Variants in STEAP1B observed in about 807,000 individuals in gnomAD.
STEAP1B encodes the protein STEAP family protein MGC87042.
In STEAP1B, 13 loss-of-function variants were observed where a neutral mutation model predicts 27.9. The observed-to-expected ratio is 0.47, with a 90% CI of 0.30 to 0.74. The LOEUF (loss-of-function observed/expected upper bound fraction) is 0.74. STEAP1B is among the 30% of genes least tolerant of loss of function. STEAP1B has a pLI of 0.06. For missense variants in STEAP1B, 250 were observed against 298.7 expected (o/e 0.84, Z 1.20); for synonymous variants, 86 against 107.1 (o/e 0.80, Z 1.22).
chr7:22,454,847 ATG>A (rs1234396767), intron 4 of STEAP1B, among the ~76,000 whole-genome samples: 3,695 of 81,380 alleles, frequency 0.045, 85 homozygotes, highest in Non-Finnish European at 0.06. Context: ...ATATATATAT[ATG>A]TATATATATA....
At chr7:22,458,576 G>C (rs1373605648) in intron 4 of STEAP1B, among the ~76,000 whole-genome samples, 1 of 152,198 alleles carries the variant, frequency 6.6e-6, no homozygotes, top group Non-Finnish European at 1.5e-5. Context: ...CTCCGCTAGA[G>C]TCAGTTGTTA....
chr7:22,481,480 G>A (rs566562507), intron 4 of STEAP1B, among the ~76,000 whole-genome samples: 2 of 152,322 alleles, frequency 1.3e-5, no homozygotes, highest in Non-Finnish European at 2.9e-5. Context: ...TACAAGAAGA[G>A]AATGGTATTG....
intron 4 of STEAP1B, among the ~76,000 whole-genome samples, chr7:22,447,704 T>C (rs1028536576): frequency 6.6e-6 from 1 of 152,246 alleles, no homozygotes; most frequent in African/African-American, 2.4e-5. Context: ...AGACCTGTCC[T>C]GGTGTGCAGC....
chr7:22,463,747 A>T (rs1426519352), intron 4 of STEAP1B, among the ~76,000 whole-genome samples: 2 of 152,134 alleles, frequency 1.3e-5, no homozygotes, highest in African/African-American at 4.8e-5. Context: ...AAAACTGGCT[A>T]GCCATATGTA....
At position 22,454,841 on chromosome 7, in the gene STEAP1B, AT is replaced by A. The variant is rs1785547847; in HGVS notation, c.763-35006del. ...CAAAGAAAATATTATATATATATAT[AT>A]ATATATGTATATATATATATATATT... On this transcript the variant is annotated intron_variant, in intron 4 of 4. Coordinates refer to ENST00000678116, the MANE Select transcript of STEAP1B (RefSeq NM_001382447.1). Among the ~76,000 whole-genome samples, 3 of 74,174 alleles carry A rather than the reference AT, an allele frequency of 4.0e-5. No individual in the cohort carries two copies. In the South Asian group the frequency reaches 1.8e-3, roughly 45 times the overall value. The allele number at this position is 74,174 out of a possible 152,430, so 48.7% of individuals were successfully genotyped here. A position where few individuals can be genotyped will look rare whatever the true frequency, so the allele number is the denominator to read the frequency against.
chr7:22,423,524 T>C (rs1785069002), intron 4 of STEAP1B, among the ~76,000 whole-genome samples: 1 of 152,192 alleles, frequency 6.6e-6, no homozygotes, highest in Non-Finnish European at 1.5e-5. Flanking sequence ...AGACCCTATA[T>C]TGTGTGATTC....
chr7:22,434,121 T>A (rs1433223097), intron 4 of STEAP1B, among the ~76,000 whole-genome samples: 1 of 152,178 alleles, frequency 6.6e-6, no homozygotes, highest in African/African-American at 2.4e-5. Flanking sequence ...GATAATTGCA[T>A]CAAAGGGATT....
intron 1 of STEAP1B, among the ~76,000 whole-genome samples, chr7:22,496,365 GA>G (rs949508009): frequency 7.2e-5 from 11 of 151,810 alleles, no homozygotes; most frequent in African/African-American, 1.9e-4. Context: ...TATTATTAAA[GA>G]AAAAAAATTT....
intron 4 of STEAP1B, among the ~76,000 whole-genome samples, chr7:22,447,865 C>T (rs111894765): frequency 0.012 from 1,880 of 152,322 alleles, 43 homozygotes; most frequent in African/African-American, 0.043. Flanking sequence ...ACATGCATGA[C>T]CTCATCTAAG....
At chr7:22,431,536 T>C (rs540517938) in intron 4 of STEAP1B, among the ~76,000 whole-genome samples, 1 of 152,260 alleles carries the variant, frequency 6.6e-6, no homozygotes, top group Admixed American at 6.5e-5. Flanking sequence ...GCTTATGGAG[T>C]GAGGTCTCCT....
intron 4 of STEAP1B, among the ~76,000 whole-genome samples, chr7:22,430,768 C>G (rs1484280446): frequency 6.6e-6 from 1 of 152,216 alleles, no homozygotes; most frequent in Non-Finnish European, 1.5e-5. Flanking sequence ...ACTGACTGTC[C>G]AACCTGCCTC....
chr7:22,461,168 T>C (rs992923229), intron 4 of STEAP1B, among the ~76,000 whole-genome samples: 2 of 152,192 alleles, frequency 1.3e-5, no homozygotes, highest in Admixed American at 6.5e-5. Flanking sequence ...TAGACTATGA[T>C]TGCAGCTCTG....
rs558288739 is a variant in STEAP1B, at chr7:22,472,677, G to T, written c.762+19888C>A. ...ATTTGGCAGAGTTCTGGTGGTGAAA[G>T]GAGTCTCCTCTTTTCACAGCAGTCT... On this transcript the variant is annotated intron_variant, in intron 4 of 4. Coordinates refer to ENST00000678116, the MANE Select transcript of STEAP1B (RefSeq NM_001382447.1). Among the ~76,000 whole-genome samples the T allele has an allele frequency of 4.6e-5, 7 of 152,288 alleles. 1 individual carries two copies. The East Asian group carries it at 1.4e-3, about 29-fold the overall frequency.
At position 22,492,852 on chromosome 7, in the gene STEAP1B, A is replaced by G. The variant is rs1038345432; in HGVS notation, c.598-123T>C. 10 of 1,409,494 alleles carry G rather than the reference A, an allele frequency of 7.1e-6. No individual in the cohort carries two copies. The Admixed American group carries it at 2.5e-4, about 36-fold the overall frequency. 87.3% of individuals were successfully genotyped at this position (1,409,494 alleles called of 1,614,324 possible). Reference sequence around the variant, plus strand: ...CCTGATAACAGGTCTCCACAAATTTATGACTTTTTCTTTTTTTTTTGCATT... The same window carrying G: ...CCTGATAACAGGTCTCCACAAATTTGTGACTTTTTCTTTTTTTTTTGCATT... On this transcript the variant is annotated intron_variant, in intron 3 of 4. Transcript: ENST00000678116.
chr7:22,479,892 G>A (rs889745494), intron 4 of STEAP1B, among the ~76,000 whole-genome samples: 1 of 151,776 alleles, frequency 6.6e-6, no homozygotes, highest in Non-Finnish European at 1.5e-5. Context: ...TGTCATGTTG[G>A]GCAGGCTAGT....
chr7:22,463,533 T>A (rs934986760), intron 4 of STEAP1B, among the ~76,000 whole-genome samples: 4 of 152,302 alleles, frequency 2.6e-5, no homozygotes, highest in South Asian at 2.1e-4. Flanking sequence ...GCGGGAGGCA[T>A]CACACTACCT....
intron 4 of STEAP1B, among the ~76,000 whole-genome samples, chr7:22,468,093 G>A (rs1000293097): frequency 1.3e-4 from 20 of 151,738 alleles, no homozygotes; most frequent in African/African-American, 4.1e-4. Flanking sequence ...ATTTAACTTG[G>A]GCATTCTGTA....
intron 4 of STEAP1B, among the ~76,000 whole-genome samples, chr7:22,450,421 T>C (rs771331903): frequency 6.6e-5 from 10 of 152,360 alleles, no homozygotes; most frequent in Middle Eastern, 3.4e-3. Flanking sequence ...GCACCATTTA[T>C]TGAAGAGACT....
At chr7:22,422,130 G>C (rs1157334313) in intron 4 of STEAP1B, among the ~76,000 whole-genome samples, 1 of 152,120 alleles carries the variant, frequency 6.6e-6, no homozygotes, top group Non-Finnish European at 1.5e-5. Context: ...TCTAATTTTA[G>C]AGTTGTTTTC....
Sources: allele counts gnomAD v4.1 joint callset (sites outside exome capture counted in the v4.1 genomes callset), GRCh38; gene constraint gnomAD v4.1.1; transcripts MANE v1.5; gene names NCBI Gene and HGNC (gene_info 2026-07-23, HGNC 2026-07-21).